Variants in PTPRA observed in about 807,000 individuals in gnomAD.
The protein encoded by PTPRA is receptor-type tyrosine-protein phosphatase alpha.
PTPRA carries 25 observed loss-of-function variants against 104.8 expected under a neutral mutation model. That is an observed-to-expected ratio of 0.24 (90% CI 0.17 to 0.33). The LOEUF (loss-of-function observed/expected upper bound fraction) is 0.33. PTPRA is among the 10% of genes least tolerant of loss of function. The pLI is 1.00. For missense variants in PTPRA, 765 were observed against 1,015.3 expected, an observed-to-expected ratio of 0.75 and a Z score of 3.35; for synonymous variants, 323 against 368.9, an observed-to-expected ratio of 0.88 and a Z score of 1.43.
At chr20:2,890,014 A>G (rs1280282624) in intron 1 of PTPRA, among the ~76,000 whole-genome samples, 1 of 151,560 alleles carries the variant, frequency 6.6e-6, no homozygotes, top group African/African-American at 2.4e-5. Flanking sequence ...CTCCTGAGTA[A>G]GTAGCTGGGA....
intron 2 of PTPRA, among the ~76,000 whole-genome samples, chr20:2,946,761 T>C (rs376142096): frequency 2.6e-5 from 4 of 151,608 alleles, no homozygotes; most frequent in East Asian, 1.9e-4. Flanking sequence ...GGCAGGAGAA[T>C]CGCTTGAACC....
intron 2 of PTPRA, among the ~76,000 whole-genome samples, chr20:2,946,298 A>G (rs1444604514): frequency 1.3e-5 from 2 of 152,082 alleles, no homozygotes; most frequent in African/African-American, 4.8e-5. Context: ...TTTTTCTCCC[A>G]TTTACCTTCA....
chr20:2,955,107 G>C (rs1314734092), intron 3 of PTPRA, among the ~76,000 whole-genome samples: 2 of 152,172 alleles, frequency 1.3e-5, no homozygotes, highest in African/African-American at 2.4e-5. Context: ...TGAGTAGATA[G>C]ATTTCTCCCC....
At chr20:2,865,166 C>A in the PTPRA span, 1 of 1,614,142 alleles carries the variant, frequency 6.2e-7, no homozygotes, top group Non-Finnish European at 8.5e-7. The surrounding 1 kb of genome is among the most constrained non-coding windows in gnomAD (Gnocchi z 5.2). Flanking sequence ...GGATCAAATG[C>A]GGCTCCTACG....
At position 3,032,590 on chromosome 20, in the gene PTPRA, A is replaced by AC. The variant is rs1267481384; in HGVS notation, c.1921-2991dup. Among the ~76,000 whole-genome samples the AC allele has an allele frequency of 5.9e-5, 9 of 151,918 alleles. 1 individual carries two copies. The South Asian group carries it at 1.3e-3, about 21-fold the overall frequency. On this transcript the variant is annotated intron_variant, in intron 20 of 23. Transcript: ENST00000399903. ...AGACCAGCCTGGCCAACATGGCAAA[A>AC]CCCCATCTCTACTAAAAATACAAAA...
At chr20:2,940,516 A>G (rs1275920860) in intron 2 of PTPRA, among the ~76,000 whole-genome samples, 13 of 152,080 alleles carry the variant, frequency 8.5e-5, no homozygotes, top group Non-Finnish European at 1.9e-4. Flanking sequence ...TCTGTTTCCC[A>G]TATCCAGCTC....
At chr20:2,909,290 A>AAAAAC (rs1275062176) in intron 1 of PTPRA, among the ~76,000 whole-genome samples, 3 of 152,228 alleles carry the variant, frequency 2.0e-5, no homozygotes, top group Non-Finnish European at 4.4e-5. Context: ...TCCTGTCTCA[A>AAAAAC]AAAACAAAAC....
chr20:3,019,942 C>T (rs374049180), intron 13 of PTPRA, among the ~76,000 whole-genome samples: 6 of 151,822 alleles, frequency 4.0e-5, no homozygotes, highest in Non-Finnish European at 7.4e-5. Flanking sequence ...GGCGTGGCGG[C>T]GCGCGCCTGC....
At chr20:3,023,391 A>T (rs1217486258) in intron 16 of PTPRA, among the ~76,000 whole-genome samples, 1 of 152,146 alleles carries the variant, frequency 6.6e-6, no homozygotes, top group East Asian at 1.9e-4. Flanking sequence ...AGATAAGAGG[A>T]AGGCATCTGT....
At chr20:2,926,122 A>T (rs1383646717) in intron 2 of PTPRA, among the ~76,000 whole-genome samples, 1 of 152,168 alleles carries the variant, frequency 6.6e-6, no homozygotes, top group Non-Finnish European at 1.5e-5. Flanking sequence ...AAGACAACAT[A>T]ATTCTTTGCC....
upstream of PTPRA, among the ~76,000 whole-genome samples, chr20:2,870,627 G>C (rs540078684): frequency 4.6e-5 from 7 of 152,154 alleles, no homozygotes; most frequent in Non-Finnish European, 1.0e-4. Context: ...TATTTGTTGC[G>C]AGAATGACTC....
At chr20:3,007,469 C>T in intron 11 of PTPRA, 49 bp downstream of exon 11, 1 of 1,535,160 alleles carries the variant, frequency 6.5e-7, no homozygotes, top group Non-Finnish European at 9.0e-7. Flanking sequence ...ACCATTGCCA[C>T]TATCTGTTGG....
chr20:2,989,419 G>A (rs1054408866), intron 9 of PTPRA, among the ~76,000 whole-genome samples: 6 of 152,150 alleles, frequency 3.9e-5, no homozygotes, highest in African/African-American at 1.2e-4. Context: ...GCGACAGAGC[G>A]AGACTCCATC....
At chr20:2,952,231 T>G (rs1173915489) in intron 3 of PTPRA, among the ~76,000 whole-genome samples, 3 of 152,198 alleles carry the variant, frequency 2.0e-5, no homozygotes, top group Admixed American at 6.5e-5. Context: ...TGACAGCACT[T>G]GGTATAGCTG....
At chr20:3,016,418 A>G (rs538236281) in intron 12 of PTPRA, among the ~76,000 whole-genome samples, 43 of 152,374 alleles carry the variant, frequency 2.8e-4, no homozygotes, top group Non-Finnish European at 5.1e-4. Flanking sequence ...TCACTCTTTG[A>G]ACCCTAGCAA....
chr20:2,879,087 G>A (rs2089908210), intron 1 of PTPRA, among the ~76,000 whole-genome samples: 1 of 152,144 alleles, frequency 6.6e-6, no homozygotes, highest in South Asian at 2.1e-4. Flanking sequence ...ACACTTTTAG[G>A]TTAGTGCAGT....
upstream of PTPRA, among the ~76,000 whole-genome samples, chr20:2,868,907 GT>G (rs2089395695): frequency 6.6e-6 from 1 of 152,130 alleles, no homozygotes; most frequent in African/African-American, 2.4e-5. Flanking sequence ...TTAGAAATAT[GT>G]GAGAAATAAC....
At chr20:2,986,921 G>C (rs2062933653) in intron 7 of PTPRA, 72 bp downstream of exon 7, 1 of 1,328,704 alleles carries the variant, frequency 7.5e-7, no homozygotes, top group East Asian at 2.3e-5. Flanking sequence ...AACCCACACA[G>C]TCCAGTAGAC....
intron 1 of PTPRA, among the ~76,000 whole-genome samples, chr20:2,921,593 T>G (rs1176491127): frequency 6.6e-6 from 1 of 152,170 alleles, no homozygotes; most frequent in Non-Finnish European, 1.5e-5. Context: ...TGATTCTTGT[T>G]TCTCCAACAA....
Sources: allele counts gnomAD v4.1 joint callset (sites outside exome capture counted in the v4.1 genomes callset), GRCh38; gene constraint gnomAD v4.1.1; non-coding constraint Gnocchi (gnomAD v3.1); transcripts MANE v1.5; gene names NCBI Gene and HGNC (gene_info 2026-07-23, HGNC 2026-07-21).